Variants in PIEZO2 observed in about 807,000 individuals in gnomAD.
The protein encoded by PIEZO2 is piezo type mechanosensitive ion channel component 2.
In PIEZO2, 172 loss-of-function variants were observed where a neutral mutation model predicts 337.3. The ratio of observed to expected loss-of-function variants is 0.51; its 90% CI spans 0.45 to 0.58. The LOEUF is 0.58. PIEZO2 is among the 20% of genes least tolerant of loss of function. The pLI is 0.00. For synonymous variants in PIEZO2, 1,251 were observed against 1,228.5 expected, an observed-to-expected ratio of 1.02 and a Z score of -0.38; for missense variants, 3,028 against 3,391.3, an observed-to-expected ratio of 0.89 and a Z score of 2.66.
chr18:11,093,736 A>G (rs9950579), intron 1 of PIEZO2, among the ~76,000 whole-genome samples: 36,257 of 151,386 alleles, frequency 0.24, 4,749 homozygotes, highest in East Asian at 0.47. Context: ...ACAGGCGCCC[A>G]CCACCATCAA....
At chr18:11,081,695 T>C (rs1453497294) in intron 1 of PIEZO2, among the ~76,000 whole-genome samples, 1 of 151,638 alleles carries the variant, frequency 6.6e-6, no homozygotes, top group Non-Finnish European at 1.5e-5. Context: ...AAAGAAAAAC[T>C]CTGAACTGAG....
chr18:10,937,221 G>A (rs148913929), intron 3 of PIEZO2, among the ~76,000 whole-genome samples: 141 of 152,298 alleles, frequency 9.3e-4, no homozygotes, highest in Non-Finnish European at 1.7e-3. Context: ...AATGAATGAA[G>A]AGTGACCTCC....
chr18:11,041,996 G>A (rs1005491056), intron 2 of PIEZO2, among the ~76,000 whole-genome samples: 7 of 152,256 alleles, frequency 4.6e-5, no homozygotes, highest in East Asian at 1.9e-4. Context: ...GTTGGCTAGC[G>A]TCTTCTATCC....
chr18:10,736,501 T>C, intron 34 of PIEZO2, 103 bp downstream of exon 34: 1 of 1,437,344 alleles, frequency 7.0e-7, no homozygotes, highest in Non-Finnish European at 9.2e-7. Flanking sequence ...TTCGGGGAGC[T>C]ATGACATATG....
chr18:11,062,963 A>G (rs2038020946), intron 2 of PIEZO2, among the ~76,000 whole-genome samples: 1 of 152,222 alleles, frequency 6.6e-6, no homozygotes, highest in South Asian at 2.1e-4. Context: ...ATGCACATGT[A>G]TGTTTACTGC....
intron 7 of PIEZO2, among the ~76,000 whole-genome samples, chr18:10,839,953 T>G (rs535980282): frequency 6.6e-6 from 1 of 152,320 alleles, no homozygotes; most frequent in South Asian, 2.1e-4. Context: ...TCACAAAAAC[T>G]TGCATCTTCT....
chr18:10,815,019 TA>T lies in PIEZO2; in HGVS notation c.918-7746del, dbSNP rs1479132854. ...GGGGATTTAATTCTTTAAGTAGACA[TA>T]GGTGCCCTGCAGCAGCTTATAAAAC... On this transcript the variant is annotated intron_variant, in intron 7 of 55. Transcript: ENST00000674853. This position sits in a 1 kb window ranked among gnomAD's most constrained non-coding sequence, Gnocchi z 4.1. 6.6e-6 allele frequency among the ~76,000 whole-genome samples: 1 copy of T among 152,168 alleles called. No homozygotes were observed. Among genetic ancestry groups the T allele is most frequent in the African/African-American group, 2.4e-5 (1 of 41,444 alleles).
Position 11,104,236 on chromosome 18 carries a change from G to A in PIEZO2, c.65-38014C>T, listed in dbSNP as rs2039497493. ...AACACTTGGAGCCCAGAATTTGGAG[G>A]CTTTTCACATACTCTGAGAATGTAA... On this transcript the variant is annotated intron_variant, in intron 1 of 55. Transcript: ENST00000674853. This position sits in a 1 kb window ranked among gnomAD's most constrained non-coding sequence, Gnocchi z 4.6. 6.6e-6 allele frequency among the ~76,000 whole-genome samples: 1 copy of A among 152,154 alleles called. No homozygotes were observed. The highest frequency in any genetic ancestry group is 2.4e-5 in the African/African-American group (1 of 41,454).
intron 1 of PIEZO2, among the ~76,000 whole-genome samples, chr18:11,133,802 ATG>A (rs540780409): frequency 1.5e-5 from 2 of 130,370 alleles, no homozygotes; most frequent in Non-Finnish European, 3.5e-5. Flanking sequence ...CTCTATATAT[ATG>A]TGTGTATATA....
At position 11,080,748 on chromosome 18, in the gene PIEZO2, G is replaced by A. The variant is rs886981010; in HGVS notation, c.65-14526C>T. On this transcript the variant is annotated intron_variant, in intron 1 of 55. Coordinates refer to ENST00000674853, the MANE Select transcript of PIEZO2 (RefSeq NM_001378183.1). The surrounding 1 kb of genome is among the most constrained non-coding windows in gnomAD (Gnocchi z 5.4). ...AGTCCCAGCTACTTGAGAGGCTGAG[G>A]CAGGAGAATCGCTTGAACTCGGGAG... 6.6e-6 allele frequency among the ~76,000 whole-genome samples: 1 copy of A among 152,192 alleles called. No individual in the cohort carries two copies. Among genetic ancestry groups the A allele is most frequent in the Non-Finnish European group, 1.5e-5 (1 of 68,036 alleles).
intron 3 of PIEZO2, among the ~76,000 whole-genome samples, chr18:10,928,872 G>A (rs1360976446): frequency 1.3e-5 from 2 of 152,186 alleles, no homozygotes; most frequent in South Asian, 2.1e-4. Flanking sequence ...GGGATGAAAG[G>A]TGCAGAGTAA....
In PIEZO2 at chr18:10,878,782, GA is replaced by G. The variant is rs576742005; in HGVS notation, c.330-7368del. Among the ~76,000 whole-genome samples the G allele has an allele frequency of 0.025, 3,496 of 139,282 alleles. 126 individuals carry two copies. The highest frequency in any genetic ancestry group is 0.081 in the African/African-American group (3,131 of 38,780). 91.4% of individuals were successfully genotyped at this position (139,282 alleles called of 152,430 possible). A position where few individuals can be genotyped will look rare whatever the true frequency, so the allele number is the denominator to read the frequency against. ...AGACCATACAAAGCTTGGATGTTTTGAAAAAAAAAAAAAATCACATAACCAG... is the reference window on the plus strand; with the variant it reads ...AGACCATACAAAGCTTGGATGTTTTGAAAAAAAAAAAAATCACATAACCAG... On this transcript the variant is annotated intron_variant, in intron 4 of 55. Coordinates refer to ENST00000674853, the MANE Select transcript of PIEZO2 (RefSeq NM_001378183.1). This position sits in a 1 kb window ranked among gnomAD's most constrained non-coding sequence, Gnocchi z 4.3.
rs1237133033 is a variant in PIEZO2 at position 11,109,649 on chromosome 18, T to C, written c.64+38876A>G. Among the ~76,000 whole-genome samples, 1 of 151,616 alleles carries C rather than the reference T, an allele frequency of 6.6e-6. No individual in the cohort carries two copies. The highest frequency in any genetic ancestry group is 2.4e-5 in the African/African-American group (1 of 41,224). ...AAGAGAATTGTTTGAGCCTGGGAGGTGGAGGTTGCAGTGAGCCAAGATCAC... is the reference window on the plus strand; with the variant it reads ...AAGAGAATTGTTTGAGCCTGGGAGGCGGAGGTTGCAGTGAGCCAAGATCAC... On this transcript the variant is annotated intron_variant, in intron 1 of 55. Transcript: ENST00000674853. The surrounding 1 kb of genome is among the most constrained non-coding windows in gnomAD (Gnocchi z 5.1).
intron 18 of PIEZO2, among the ~76,000 whole-genome samples, chr18:10,776,457 T>C (rs1473713338): frequency 6.6e-6 from 1 of 152,230 alleles, no homozygotes; most frequent in Non-Finnish European, 1.5e-5. Flanking sequence ...ATTAGAAACA[T>C]GCTTTTGTAA....
chr18:10,679,077 C>T (rs2034148935), intron 52 of PIEZO2, among the ~76,000 whole-genome samples: 2 of 151,936 alleles, frequency 1.3e-5, no homozygotes, highest in African/African-American at 4.8e-5. Flanking sequence ...GGATTACAGG[C>T]ATGCGCTACT....
intron 5 of PIEZO2, among the ~76,000 whole-genome samples, chr18:10,858,533 G>A (rs2041789489): frequency 6.6e-6 from 1 of 152,056 alleles, no homozygotes; most frequent in Non-Finnish European, 1.5e-5. Context: ...TTAAAGAGTA[G>A]GGTCTGGCCT....
chr18:10,705,367 C>T lies in PIEZO2; in HGVS notation c.5968G>A (p.Glu1990Lys). 6.5e-7 allele frequency: 1 copy of T among 1,536,710 alleles called. No homozygotes were observed. The highest frequency in any genetic ancestry group is 8.7e-7 in the Non-Finnish European group (1 of 1,146,606). ...AGCAGCAGCTCGCTGGCCGTCAGCT[C>T]ATGGGTCAGGGGAGGTAAGATGCTG... Reference protein sequence around the residue: ...GSSILPPLTHELTASELLLKK... With the variant: ...GSSILPPLTHKLTASELLLKK... Residue 1990 changes from glutamate to lysine, a missense_variant, in exon 41 of 56, where the codon GAG (glutamate) becomes AAG (lysine). Around this residue, in one of 5 missense-constraint regions of PIEZO2, gnomAD observed 1,925 missense variants for 2,051.9 expected, o/e 0.94. Coordinates refer to ENST00000674853, the MANE Select transcript of PIEZO2 (RefSeq NM_001378183.1).
At chr18:11,046,527 C>A (rs747191979) in intron 2 of PIEZO2, among the ~76,000 whole-genome samples, 5 of 152,238 alleles carry the variant, frequency 3.3e-5, no homozygotes, top group Admixed American at 6.5e-5. Context: ...AGTCAGCTAA[C>A]AAGTAATTGT....
At chr18:11,066,094 ACT>A (rs1233255723) in intron 2 of PIEZO2, 31 bp downstream of exon 2, 2 of 1,470,958 alleles carry the variant, frequency 1.4e-6, no homozygotes, top group Non-Finnish European at 1.8e-6. Context: ...AGACTGTATA[ACT>A]CTGTGGTATA....
Sources: gnomAD v4.1 joint callset for allele counts (sites outside exome capture counted in the v4.1 genomes callset) on GRCh38, gnomAD v4.1.1 for gene constraint, gnomAD v4.1.1 regional missense constraint, Gnocchi (gnomAD v3.1) non-coding constraint, MANE v1.5 for transcripts, NCBI Gene and HGNC (gene_info 2026-07-23, HGNC 2026-07-21) for gene names.